Variants in ACSL1 observed in about 807,000 individuals in gnomAD.
The protein encoded by ACSL1 is long-chain-fatty-acid--CoA ligase 1.
In ACSL1, 41 loss-of-function variants were observed where a neutral mutation model predicts 98.4. That is an observed-to-expected ratio of 0.42 (90% confidence interval 0.32 to 0.54). The LOEUF is 0.54. ACSL1 is among the 20% of genes least tolerant of loss of function. ACSL1 has a pLI of 0.13. For synonymous variants in ACSL1, 316 were observed against 322.7 expected, an observed-to-expected ratio of 0.98 and a Z score of 0.22; for missense variants, 734 against 883.1, an observed-to-expected ratio of 0.83 and a Z score of 2.14.
At chr4:184,818,723 C>A (rs1484197195) in intron 1 of ACSL1, among the ~76,000 whole-genome samples, 1 of 152,108 alleles carries the variant, frequency 6.6e-6, no homozygotes. Flanking sequence ...GGCTGGGGTG[C>A]CAATCTGTGG....
At chr4:184,799,019 G>C (rs1205269917) in intron 2 of ACSL1, 1 of 152,014 alleles carries the variant, frequency 6.6e-6, no homozygotes, top group African/African-American at 2.4e-5. Context: ...ATCTATGTCT[G>C]ACCTGGTTCA....
chr4:184,781,633 T>C (rs1012660559), intron 4 of ACSL1, among the ~76,000 whole-genome samples: 27 of 152,022 alleles, frequency 1.8e-4, no homozygotes, highest in Admixed American at 1.6e-3. Context: ...TTTTGAGACA[T>C]AGTCTCACTC....
Position 184,766,861 on chromosome 4 carries a change from G to A in ACSL1, c.1129-105C>T. 7.7e-7 allele frequency: 1 copy of A among 1,304,150 alleles called. No homozygotes were observed. The highest frequency in any genetic ancestry group is 1.0e-6 in the Non-Finnish European group (1 of 958,092). 80.8% of individuals were successfully genotyped at this position (1,304,150 alleles called of 1,614,324 possible). ...CACACACAGCTGGGGAACACAAAAT[G>A]GCACAGCTGCTCTGACAGCCTGGCC... On this transcript the variant is annotated intron_variant, in intron 12 of 20. Coordinates refer to ENST00000281455, the MANE Select transcript of ACSL1 (RefSeq NM_001995.5). The surrounding 1 kb of genome is among the most constrained non-coding windows in gnomAD (Gnocchi z 4.8).
intron 2 of ACSL1, among the ~76,000 whole-genome samples, chr4:184,801,787 T>C (rs1055732387): frequency 6.6e-6 from 1 of 152,236 alleles, no homozygotes; most frequent in African/African-American, 2.4e-5. Context: ...TCTCAAGTTT[T>C]AAACTGTTCT....
intron 1 of ACSL1, chr4:184,815,140 C>G (rs1772509716): frequency 2.2e-6 from 1 of 455,748 alleles, no homozygotes; most frequent in Admixed American, 2.4e-5. Flanking sequence ...AGGGAGAAAA[C>G]AGTACGCATG....
chr4:184,794,135 C>T (rs1036414712), intron 2 of ACSL1, among the ~76,000 whole-genome samples: 1 of 152,188 alleles, frequency 6.6e-6, no homozygotes, highest in Non-Finnish European at 1.5e-5. Flanking sequence ...CAACCGCGTC[C>T]TTCTCAGCAT....
chr4:184,814,361 C>T (rs1772430024), intron 1 of ACSL1, among the ~76,000 whole-genome samples: 1 of 149,090 alleles, frequency 6.7e-6, no homozygotes, highest in East Asian at 2.0e-4. Context: ...TCATGAACAT[C>T]ATGGTAGCTT....
At chr4:184,772,635 T>C (rs763697053) in intron 10 of ACSL1, among the ~76,000 whole-genome samples, 7 of 152,202 alleles carry the variant, frequency 4.6e-5, no homozygotes, top group Non-Finnish European at 7.3e-5. Flanking sequence ...GTGCAAGGCT[T>C]TACTACTTCT....
At position 184,770,454 on chromosome 4, in the gene ACSL1, T is replaced by C. The variant is rs1764318246; in HGVS notation, c.938A>G (p.Asp313Gly). 1.2e-6 allele frequency: 2 copies of C among 1,612,912 alleles called. No individual in the cohort carries two copies. Among genetic ancestry groups the C allele is most frequent in the South Asian group, 2.2e-5 (2 of 91,064 alleles). ...AGGCAAGAAAGATATCAAAGTATCATCTGGGCAAGGATTGACTGTATTCTG... is the reference window on the plus strand; with the variant it reads ...AGGCAAGAAAGATATCAAAGTATCACCTGGGCAAGGATTGACTGTATTCTG... ...ATENTVNPCP[D>G]DTLISFLPLA... The change falls in exon 11 of 21, where the codon GAT becomes GGT. Residue 313 changes from aspartate (D) to glycine (G), a missense_variant. Transcript: ENST00000281455.
At chr4:184,797,067 C>T (rs72695664) in intron 2 of ACSL1, among the ~76,000 whole-genome samples, 18,273 of 152,190 alleles carry the variant, frequency 0.12, 1,181 homozygotes, top group Non-Finnish European at 0.14. Flanking sequence ...GGACAGCTCC[C>T]TTCCTGCCCA....
At chr4:184,788,582 G>C (rs369667192) in intron 3 of ACSL1, 35 bp downstream of exon 3, 2 of 1,525,644 alleles carry the variant, frequency 1.3e-6, no homozygotes, top group Admixed American at 1.7e-5. Context: ...GAAACACGGC[G>C]AGCGGGAGCC....
At chr4:184,826,144 C>T (rs1773480145), upstream of ACSL1, 1 of 148,242 alleles carries the variant, frequency 6.7e-6, no homozygotes, top group South Asian at 2.0e-4. Flanking sequence ...CGGCAGGCCC[C>T]GCCCCGCCGA....
Position 184,774,329 on chromosome 4 carries a change from C to T in ACSL1, c.757-454G>A, listed in dbSNP as rs1425021992. Among the ~76,000 whole-genome samples the T allele has an allele frequency of 2.6e-5, 4 of 152,166 alleles. No individual in the cohort carries two copies. In the East Asian group the frequency reaches 7.7e-4, roughly 29 times the overall value. The stretch of plus-strand genomic sequence containing the variant: ...CCACATTCTGCACAACTGACATCTG[C>T]AATCTGGGAAGAAGAAAAATCAATC... On this transcript the variant is annotated intron_variant, in intron 7 of 20. Coordinates refer to ENST00000281455, the MANE Select transcript of ACSL1 (RefSeq NM_001995.5).
chr4:184,779,307 T>C (rs956955040), intron 5 of ACSL1, among the ~76,000 whole-genome samples: 5 of 152,202 alleles, frequency 3.3e-5, no homozygotes, highest in Admixed American at 6.5e-5. Context: ...CAGGGGTTTC[T>C]GCTTTTGCTT....
chr4:184,823,719 T>C (rs1267186017), intron 1 of ACSL1, among the ~76,000 whole-genome samples: 1 of 152,218 alleles, frequency 6.6e-6, no homozygotes, highest in Non-Finnish European at 1.5e-5. Flanking sequence ...TGGCAGCAAC[T>C]CTGAGATAGT....
At position 184,803,056 on chromosome 4, in the gene ACSL1, C is replaced by T. The variant is rs933917084; in HGVS notation, c.195+264G>A. On this transcript the variant is annotated intron_variant, in intron 2 of 20. Transcript: ENST00000281455. This position sits in a 1 kb window ranked among gnomAD's most constrained non-coding sequence, Gnocchi z 4.8. ...TCCAGGCTGACCACAGTGCCTACCA[C>T]AGCGTAGAAACTCAATGTCATTTCT... is the stretch of plus-strand genomic sequence containing the variant. 2.0e-5 allele frequency among the ~76,000 whole-genome samples: 3 copies of T among 152,174 alleles called. No individual in the cohort carries two copies. The highest frequency in any genetic ancestry group is 6.5e-5 in the Admixed American group (1 of 15,268).
chr4:184,823,961 T>A (rs1350981049), intron 1 of ACSL1, among the ~76,000 whole-genome samples: 1 of 152,154 alleles, frequency 6.6e-6, no homozygotes, highest in Non-Finnish European at 1.5e-5. Context: ...TAACCCTACA[T>A]GCATGGGTCA....
At chr4:184,795,938 C>T (rs184857172) in intron 2 of ACSL1, among the ~76,000 whole-genome samples, 1 of 152,336 alleles carries the variant, frequency 6.6e-6, no homozygotes, top group African/African-American at 2.4e-5. Flanking sequence ...CATAGTCTCT[C>T]CATCCCAGCT....
chr4:184,805,068 A>G (rs953525974), intron 1 of ACSL1, among the ~76,000 whole-genome samples: 1 of 152,210 alleles, frequency 6.6e-6, no homozygotes, highest in Non-Finnish European at 1.5e-5. Flanking sequence ...CAAGAAAAAA[A>G]ACAAAAATTT....
Sources: gnomAD v4.1 joint callset for allele counts (sites outside exome capture counted in the v4.1 genomes callset) on GRCh38, gnomAD v4.1.1 for gene constraint, Gnocchi (gnomAD v3.1) non-coding constraint, MANE v1.5 for transcripts, NCBI Gene and HGNC (gene_info 2026-07-23, HGNC 2026-07-21) for gene names.